Variants in GASK1A observed in about 807,000 individuals in gnomAD.
The protein encoded by GASK1A is golgi associated kinase 1A.
In GASK1A, 40 loss-of-function variants were observed where a neutral mutation model predicts 41.2. The observed-to-expected ratio is 0.97, with a 90% CI of 0.75 to 1.27. GASK1A has a LOEUF of 1.27. GASK1A is among the 50% of genes most tolerant of loss of function. The probability of loss-of-function intolerance (pLI) is 0.00; values close to 1 mark genes in which losing one functional copy is unlikely to be tolerated. For missense variants in GASK1A, 678 were observed against 745.1 expected (o/e 0.91, Z 1.05); for synonymous variants, 316 against 307.1 (o/e 1.03, Z -0.30).
rs957432672 is a variant in GASK1A at position 43,053,652 on chromosome 3, C to T, written c.1413+9C>T. On this transcript the variant is annotated intron_variant, in intron 3 of 4. Transcript: ENST00000430121. ...GGCTGGTCCACATCCTGGTACGTCT[C>T]CTCCACACCATCCCCTTGTCACCCC... The T allele has an allele frequency of 1.6e-5, 25 of 1,551,692 alleles. No homozygotes were observed. The African/African-American group carries it at 2.7e-4, about 17-fold the overall frequency.
chr3:43,027,617 G>A (rs9812262), intron 1 of GASK1A, among the ~76,000 whole-genome samples: 52,182 of 151,894 alleles, frequency 0.34, 9,657 homozygotes, highest in Non-Finnish European at 0.43. Context: ...CTTTTTAGGG[G>A]ATTAAGAGCT....
chr3:43,049,705 C>G (rs199978759), intron 2 of GASK1A, among the ~76,000 whole-genome samples: 10 of 151,890 alleles, frequency 6.6e-5, no homozygotes, highest in African/African-American at 2.4e-4. Flanking sequence ...CTGTATAAAA[C>G]AGAAAATAAT....
chr3:43,021,889 A>G (rs954738014), intron 1 of GASK1A, among the ~76,000 whole-genome samples: 1 of 152,174 alleles, frequency 6.6e-6, no homozygotes, highest in Non-Finnish European at 1.5e-5. Context: ...TCTCTGAGGA[A>G]TTAAGGAGGG....
intron 1 of GASK1A, among the ~76,000 whole-genome samples, chr3:43,031,590 G>C (rs1053533751): frequency 2.0e-5 from 3 of 152,246 alleles, no homozygotes; most frequent in African/African-American, 7.2e-5. Flanking sequence ...TGCATGTTGA[G>C]AAATCACTGC....
intron 1 of GASK1A, among the ~76,000 whole-genome samples, chr3:42,981,979 C>A (rs753260890): frequency 6.6e-6 from 1 of 151,820 alleles, no homozygotes; most frequent in Non-Finnish European, 1.5e-5. Flanking sequence ...TATTATTGAT[C>A]CAAGATACGT....
chr3:43,037,065 A>G (rs998643044), intron 2 of GASK1A: 3 of 541,780 alleles, frequency 5.5e-6, no homozygotes, highest in East Asian at 2.7e-5. Flanking sequence ...AATTAAGAGC[A>G]TGCTCACTCT....
chr3:43,000,721 C>T, intron 1 of GASK1A, among the ~76,000 whole-genome samples: 1 of 152,212 alleles, frequency 6.6e-6, no homozygotes, highest in East Asian at 1.9e-4. Context: ...GAATATCCTT[C>T]TCACTTTAGT....
intron 2 of GASK1A, among the ~76,000 whole-genome samples, chr3:43,043,166 GCCACCCTTT>G (rs1279502010): frequency 6.6e-6 from 1 of 152,222 alleles, no homozygotes; most frequent in African/African-American, 2.4e-5. Context: ...CTAGTCAGCA[GCCACCCTTT>G]CCACCGTGAA....
rs115083523 is a variant in GASK1A at position 43,004,047 on chromosome 3, G to C, written c.3+24402G>C. On this transcript the variant is annotated intron_variant, in intron 1 of 4. Transcript: ENST00000430121. ...GTCGTTGTTTTGGTAACATTTACCT[G>C]CTCTCTGAGAGCCTGGATTCTAACT... 5.7e-3 allele frequency among the ~76,000 whole-genome samples: 861 copies of C among 152,266 alleles called. 6 individuals carry two copies. The highest frequency in any genetic ancestry group is 0.012 in the South Asian group (60 of 4,818).
chr3:43,022,551 A>G (rs1375273604), intron 1 of GASK1A, among the ~76,000 whole-genome samples: 3 of 151,708 alleles, frequency 2.0e-5, no homozygotes, highest in Non-Finnish European at 4.4e-5. Flanking sequence ...GTGTTAGTTT[A>G]AAATGTTGGT....
At position 43,033,030 on chromosome 3, in the gene GASK1A, A is replaced by G. The variant is rs745547602; in HGVS notation, c.767A>G (p.Gln256Arg). ...TTGAGCAGCTCGAGGACTGGTGGGC[A>G]GGCTCCCCCATGGCTGACAGACCAC... ...TLLSSSRTGG[Q>R]APPWLTDHDV... The change falls in exon 2 of 5, where the codon CAG (glutamine) becomes CGG (arginine). Residue 256 changes from glutamine (Q) to arginine (R), a missense_variant. By Grantham distance (43) the Gln-to-Arg change is conservative. Transcript: ENST00000430121. 32 of 1,551,696 alleles carry G rather than the reference A, an allele frequency of 2.1e-5. No homozygotes were observed. In the South Asian group the frequency reaches 3.4e-4, roughly 17 times the overall value.
At chr3:43,003,999 A>G (rs1480352918) in intron 1 of GASK1A, among the ~76,000 whole-genome samples, 2 of 152,044 alleles carry the variant, frequency 1.3e-5, no homozygotes, top group Non-Finnish European at 2.9e-5. Flanking sequence ...TCATTCATTC[A>G]TTCGTTTAGG....
At chr3:43,032,020 T>A (rs1298795911) in intron 1 of GASK1A, among the ~76,000 whole-genome samples, 5 of 152,176 alleles carry the variant, frequency 3.3e-5, no homozygotes, top group African/African-American at 1.2e-4. Context: ...CAGAAGAGCA[T>A]GGGTCTGCAG....
At chr3:43,034,594 C>T (rs1448206871) in intron 2 of GASK1A, among the ~76,000 whole-genome samples, 3 of 152,226 alleles carry the variant, frequency 2.0e-5, no homozygotes, top group Admixed American at 6.5e-5. Flanking sequence ...ATAGAGACCC[C>T]TGTTGAAGAA....
At chr3:43,019,062 C>T (rs1056893607) in intron 1 of GASK1A, among the ~76,000 whole-genome samples, 2 of 152,158 alleles carry the variant, frequency 1.3e-5, no homozygotes, top group Non-Finnish European at 2.9e-5. Flanking sequence ...TCTCATAAGA[C>T]GGGCATGAGG....
At chr3:43,045,895 T>G (rs566888188) in intron 2 of GASK1A, among the ~76,000 whole-genome samples, 1 of 152,356 alleles carries the variant, frequency 6.6e-6, no homozygotes, top group South Asian at 2.1e-4. Flanking sequence ...TGCCACCTTG[T>G]GAAGAAGGTT....
intron 2 of GASK1A, among the ~76,000 whole-genome samples, chr3:43,053,143 T>C (rs1369125809): frequency 6.6e-6 from 1 of 152,234 alleles, no homozygotes; most frequent in African/African-American, 2.4e-5. Flanking sequence ...GAATCCCTGA[T>C]GTAGCATTTG....
At chr3:42,997,054 G>A (rs2089378695) in intron 1 of GASK1A, among the ~76,000 whole-genome samples, 1 of 152,262 alleles carries the variant, frequency 6.6e-6, no homozygotes, top group Admixed American at 6.5e-5. Flanking sequence ...TTTCAGAGCT[G>A]AGGCTGGAAC....
chr3:42,979,782 G>T (rs988563466), intron 1 of GASK1A, 137 bp downstream of exon 1: 1 of 881,114 alleles, frequency 1.1e-6, no homozygotes, highest in Non-Finnish European at 1.5e-6. Context: ...CCCGAAAGTT[G>T]CATGGGGCGG....
Sources: allele counts gnomAD v4.1 joint callset (sites outside exome capture counted in the v4.1 genomes callset), GRCh38; gene constraint gnomAD v4.1.1; transcripts MANE v1.5; gene names NCBI Gene and HGNC (gene_info 2026-07-23, HGNC 2026-07-21).